Variants in SSPN observed in about 807,000 individuals in gnomAD.
SSPN encodes sarcospan, also known as K-ras oncogene-associated protein.
A neutral mutation model predicts 19.1 loss-of-function variants in SSPN; 15 were observed. The ratio of observed to expected loss-of-function variants is 0.78; its 90% confidence interval spans 0.52 to 1.21. The LOEUF (loss-of-function observed/expected upper bound fraction) is 1.21, where lower values mean the gene tolerates loss of function less well. Among genes scored for constraint, SSPN ranks in the 50% most tolerant of loss-of-function variants. The probability of loss-of-function intolerance (pLI) is 0.00; values close to 1 mark genes in which losing one functional copy is unlikely to be tolerated. For synonymous variants in SSPN, 147 were observed against 140.3 expected (o/e 1.05, Z -0.34); for missense variants, 291 against 314.0 (o/e 0.93, Z 0.55).
intron 1 of SSPN, among the ~76,000 whole-genome samples, chr12:26,179,285 G>A (rs889034891): frequency 1.3e-5 from 2 of 152,186 alleles, no homozygotes; most frequent in African/African-American, 2.4e-5. Context: ...ACAGGAGAAG[G>A]TGAGGGCGGA....
chr12:26,122,737 C>A, intron 1 of SSPN: 1 of 1,595,528 alleles, frequency 6.3e-7, no homozygotes, highest in Non-Finnish European at 8.5e-7. Flanking sequence ...ACGCGGCTCG[C>A]CCCCGCGCCT....
intron 1 of SSPN, among the ~76,000 whole-genome samples, chr12:26,215,288 C>T (rs1027884557): frequency 6.6e-6 from 1 of 152,166 alleles, no homozygotes; most frequent in African/African-American, 2.4e-5. Context: ...TATGATTTCT[C>T]CTTGGCACTC....
At chr12:26,128,625 C>A (rs886526610) in intron 1 of SSPN, among the ~76,000 whole-genome samples, 1 of 152,124 alleles carries the variant, frequency 6.6e-6, no homozygotes, top group Non-Finnish European at 1.5e-5. Flanking sequence ...ACTAGAATGC[C>A]ATCTTTGGAT....
At chr12:26,122,446 A>C (rs749827205) in intron 1 of SSPN, 1 of 1,353,884 alleles carries the variant, frequency 7.4e-7, no homozygotes, top group Non-Finnish European at 9.6e-7. Context: ...GCAGCTGCAG[A>C]AGGCGAGAGG....
intron 1 of SSPN, among the ~76,000 whole-genome samples, chr12:26,202,503 G>A (rs1367859635): frequency 1.3e-5 from 2 of 152,186 alleles, no homozygotes; most frequent in Non-Finnish European, 2.9e-5. Context: ...ACTAGAATAG[G>A]ACATATTAGG....
chr12:26,212,282 A>T (rs890435355), intron 1 of SSPN, among the ~76,000 whole-genome samples: 4 of 152,220 alleles, frequency 2.6e-5, no homozygotes, highest in Non-Finnish European at 5.9e-5. Flanking sequence ...GTAGAATGAC[A>T]GTTAAAATAA....
At chr12:26,130,200 A>G (rs1944389730) in intron 1 of SSPN, among the ~76,000 whole-genome samples, 1 of 152,186 alleles carries the variant, frequency 6.6e-6, no homozygotes, top group Non-Finnish European at 1.5e-5. Flanking sequence ...GGGCCTTTTA[A>G]TGTCTGTGTT....
At chr12:26,179,225 G>C (rs7134610) in intron 1 of SSPN, among the ~76,000 whole-genome samples, 28,299 of 152,070 alleles carry the variant, frequency 0.19, 4,301 homozygotes, top group African/African-American at 0.41. Flanking sequence ...AGGCCTGACA[G>C]CAAGAAGGAG....
intron 1 of SSPN, among the ~76,000 whole-genome samples, chr12:26,186,726 T>C (rs931420561): frequency 6.6e-6 from 1 of 152,194 alleles, no homozygotes; most frequent in African/African-American, 2.4e-5. Flanking sequence ...GAGATAGAAA[T>C]AACTCACTTA....
chr12:26,221,340 A>C (rs916090292), intron 1 of SSPN, among the ~76,000 whole-genome samples: 2 of 152,182 alleles, frequency 1.3e-5, no homozygotes, highest in Non-Finnish European at 2.9e-5. Flanking sequence ...ATGTAGTCCT[A>C]GTACTTTTAC....
At chr12:26,146,800 C>A (rs182486979) in intron 1 of SSPN, among the ~76,000 whole-genome samples, 1 of 87,966 alleles carries the variant, frequency 1.1e-5, no homozygotes, top group East Asian at 4.6e-4. Flanking sequence ...CCAGCCTGGG[C>A]GACAGAGCAA....
chr12:26,123,199 C>T, intron 1 of SSPN: 1 of 1,551,472 alleles, frequency 6.4e-7, no homozygotes, highest in Non-Finnish European at 8.7e-7. Context: ...GGGTGGGGGA[C>T]GGAGGAGTGG....
At chr12:26,193,713 C>G (rs1944802985), upstream of SSPN, among the ~76,000 whole-genome samples, 2 of 152,208 alleles carry the variant, frequency 1.3e-5, no homozygotes, top group African/African-American at 2.4e-5. Flanking sequence ...AAACTTGCCT[C>G]AGCCACTCTG....
intron 1 of SSPN, among the ~76,000 whole-genome samples, chr12:26,129,359 G>A (rs1309084064): frequency 6.6e-6 from 1 of 152,200 alleles, no homozygotes; most frequent in Non-Finnish European, 1.5e-5. Context: ...GGATAGCGGG[G>A]TGGGATCTGG....
intron 1 of SSPN, among the ~76,000 whole-genome samples, chr12:26,150,306 T>C (rs149470826): frequency 4.6e-5 from 7 of 152,186 alleles, no homozygotes; most frequent in African/African-American, 1.7e-4. Flanking sequence ...ATTTTGACAC[T>C]GAGAGCAAAG....
At chr12:26,132,978 G>A (rs1427884796) in intron 1 of SSPN, among the ~76,000 whole-genome samples, 2 of 152,216 alleles carry the variant, frequency 1.3e-5, no homozygotes, top group Non-Finnish European at 2.9e-5. Context: ...GGGGAGATTA[G>A]GACAGGGTTA....
At chr12:26,191,985 G>A (rs1467294020), upstream of SSPN, among the ~76,000 whole-genome samples, 1 of 152,130 alleles carries the variant, frequency 6.6e-6, no homozygotes, top group Non-Finnish European at 1.5e-5. Context: ...TCATGTGTTT[G>A]AGAATATGTT....
At chr12:26,149,356 T>C (rs950883750) in intron 1 of SSPN, among the ~76,000 whole-genome samples, 3 of 151,622 alleles carry the variant, frequency 2.0e-5, no homozygotes, top group Non-Finnish European at 4.4e-5. Context: ...TTAGGGGCAC[T>C]GTGAGAGCAA....
rs375051419 is a variant in SSPN, at chr12:26,131,480, G to T, written c.-31+9328G>T. Among the ~76,000 whole-genome samples, 9 of 152,344 alleles carry T rather than the reference G, an allele frequency of 5.9e-5. No homozygotes were observed. In the South Asian group the frequency reaches 1.7e-3, roughly 28 times the overall value. ...GAAGAGAGCAGCTTCCAGGAGAAAG[G>T]CATTCTCTGATAGTTCCTTGAATGC... is the stretch of plus-strand genomic sequence containing the variant. On this transcript the variant is annotated intron_variant, in intron 1 of 2. Coordinates refer to the SSPN transcript ENST00000538142.
Sources: allele counts gnomAD v4.1 joint callset (sites outside exome capture counted in the v4.1 genomes callset), GRCh38; gene constraint gnomAD v4.1.1; transcripts MANE v1.5; gene names NCBI Gene and HGNC (gene_info 2026-07-23, HGNC 2026-07-21).